RANBP2: variants seen among roughly 807,000 people sequenced by gnomAD.
RANBP2 encodes E3 SUMO-protein ligase RanBP2.
In RANBP2, 57 loss-of-function variants were observed where a neutral mutation model predicts 303.6. The ratio of observed to expected loss-of-function variants is 0.19; its 90% CI spans 0.15 to 0.23. RANBP2 has a LOEUF of 0.23. Ranked by LOEUF, RANBP2 falls within the 10% of genes least tolerant of loss-of-function variation. RANBP2 has a pLI of 1.00. For synonymous variants in RANBP2, 1,167 were observed against 1,301.5 expected, an observed-to-expected ratio of 0.90 and a Z score of 2.23; for missense variants, 3,138 against 3,780.8, an observed-to-expected ratio of 0.83 and a Z score of 4.46.
chr2:109,142,365 C>T, the RANBP2 span, among the ~76,000 whole-genome samples: 1 of 152,178 alleles, frequency 6.6e-6, no homozygotes, highest in African/African-American at 2.4e-5. Context: ...TGTGCCTCCT[C>T]TGATTTTAAT....
At chr2:109,080,278 T>C in the RANBP2 span, among the ~76,000 whole-genome samples, 32 of 143,092 alleles carry the variant, frequency 2.2e-4, no homozygotes, top group Admixed American at 9.0e-4. Flanking sequence ...TTTGAGTGGC[T>C]GGGCAGCAGA....
chr2:109,164,822 A>G, the RANBP2 span, among the ~76,000 whole-genome samples: 15 of 152,170 alleles, frequency 9.9e-5, no homozygotes, highest in African/African-American at 3.6e-4. Flanking sequence ...CCAGGAAGTG[A>G]GTTTCTAACT....
At chr2:109,574,758 T>C in the RANBP2 span, 1 of 1,579,222 alleles carries the variant, frequency 6.3e-7, no homozygotes, top group Non-Finnish European at 8.6e-7. Flanking sequence ...AGTCAACTAT[T>C]GGTTGGTAGC....
the RANBP2 span, among the ~76,000 whole-genome samples, chr2:109,458,599 A>AGAGAGAGAGAGAGAGAGAGAGAGAGAGAG: frequency 6.6e-6 from 1 of 150,484 alleles, no homozygotes. Flanking sequence ...AGAGAGAGAG[A>AGAGAGAGAGAGAGAGAGAGAGAGAGAGAG]GAATTTATTT....
chr2:108,788,018 C>CT (rs5833305), downstream of RANBP2: 330,571 of 1,171,588 alleles, frequency 0.28, 12,825 homozygotes, highest in African/African-American at 0.36. Flanking sequence ...TAAATCTTTT[C>CT]TTTTTTTTTT....
In RANBP2 at chr2:108,748,900, A is replaced by G. The variant is rs955460041; in HGVS notation, c.1064-20A>G. ...TCTGTAATTTTAAAGTGATGGAAAT[A>G]ACTTAAATTTTTTTTTCAGGGCACA... On this transcript the variant is annotated intron_variant, in intron 8 of 28. Transcript: ENST00000283195. 6.2e-7 allele frequency: 1 copy of G among 1,610,892 alleles called. No individual in the cohort carries two copies. The highest frequency in any genetic ancestry group is 1.3e-5 in the African/African-American group (1 of 74,782).
chr2:109,467,739 C>T, the RANBP2 span, among the ~76,000 whole-genome samples: 1 of 152,220 alleles, frequency 6.6e-6, no homozygotes, highest in Non-Finnish European at 1.5e-5. Context: ...TGAAGCAGCT[C>T]CTCTCTGATT....
At chr2:109,108,051 G>T in the RANBP2 span, among the ~76,000 whole-genome samples, 1 of 152,204 alleles carries the variant, frequency 6.6e-6, no homozygotes, top group African/African-American at 2.4e-5. Context: ...GACTACAGGC[G>T]CCTGCCACCA....
chr2:109,480,183 G>A, the RANBP2 span, among the ~76,000 whole-genome samples: 23 of 152,192 alleles, frequency 1.5e-4, no homozygotes, highest in African/African-American at 4.8e-4. Flanking sequence ...AAAAGAAGGC[G>A]TTGTGCCCAA....
chr2:108,798,437 G>A, the RANBP2 span: 1 of 1,612,522 alleles, frequency 6.2e-7, no homozygotes, highest in East Asian at 2.2e-5. Flanking sequence ...GTGTGAAACT[G>A]CAGCACAACA....
At chr2:109,658,752 G>C in the RANBP2 span, among the ~76,000 whole-genome samples, 1 of 151,648 alleles carries the variant, frequency 6.6e-6, no homozygotes, top group Non-Finnish European at 1.5e-5. Flanking sequence ...CCAACATTGG[G>C]AAACCCCGTC....
chr2:109,428,515 C>T, the RANBP2 span, among the ~76,000 whole-genome samples: 1 of 152,234 alleles, frequency 6.6e-6, no homozygotes, highest in Non-Finnish European at 1.5e-5. Flanking sequence ...TGGTGAGCCC[C>T]TGGCCCCATG....
the RANBP2 span, among the ~76,000 whole-genome samples, chr2:109,012,135 G>A: frequency 6.6e-6 from 1 of 152,174 alleles, no homozygotes. Flanking sequence ...CTCTTTGGCA[G>A]CTCTGAGGTT....
rs758206047 is a variant in RANBP2, at chr2:108,766,689, T to A, written c.6150T>A (p.Ser2050Arg). 3 of 1,611,884 alleles carry A rather than the reference T, an allele frequency of 1.9e-6. No homozygotes were observed. The African/African-American group carries it at 4.0e-5, about 22-fold the overall frequency. The change falls in exon 20 of 29, where the codon AGT (serine) becomes AGA (arginine). Residue 2050 changes from serine to arginine, a missense_variant. By Grantham distance (110) the Ser-to-Arg change is moderately radical. This residue lies in a region of RANBP2 where 103 missense variants were observed against 214.3 expected (regional missense o/e 0.48). Transcript: ENST00000283195. ...VKLFRFDAEV[S>R]QWKERGLGNL... ...TATTTAGATTTGATGCTGAGGTAAG[T>A]CAGTGGAAAGAAAGGGGCTTGGGGA...
the RANBP2 span, among the ~76,000 whole-genome samples, chr2:109,367,070 A>G: frequency 6.9e-6 from 1 of 144,026 alleles, no homozygotes; most frequent in African/African-American, 2.6e-5. Flanking sequence ...CTCGTGCCTC[A>G]CCCTCCAGAG....
At chr2:109,761,781 A>C in the RANBP2 span, among the ~76,000 whole-genome samples, 1 of 147,272 alleles carries the variant, frequency 6.8e-6, no homozygotes, top group Admixed American at 6.9e-5. Context: ...TGGAACAAGC[A>C]TATTAACTGC....
the RANBP2 span, among the ~76,000 whole-genome samples, chr2:109,104,465 T>G: frequency 5.2e-4 from 77 of 146,784 alleles, no homozygotes; most frequent in Middle Eastern, 0.011. Flanking sequence ...AGGGATTAGG[T>G]TTTTTTTTTG....
At position 108,765,258 on chromosome 2, in the gene RANBP2, T is replaced by A. The variant is rs941770301; in HGVS notation, c.4719T>A (p.Ser1573Arg). ...CVACQNPDKP[S>R]PSTSVPAPAS... Reference sequence around the variant, plus strand: ...CTTGTCAGAATCCGGATAAACCAAGTCCATCTACTTCTGTTCCAGCTCCTG... The same window carrying A: ...CTTGTCAGAATCCGGATAAACCAAGACCATCTACTTCTGTTCCAGCTCCTG... Residue 1573 changes from serine to arginine, a missense_variant, in exon 20 of 29, where the codon AGT becomes AGA. Physicochemically the swap from Ser to Arg is moderately radical, Grantham distance 110. Coordinates refer to ENST00000283195, the MANE Select transcript of RANBP2 (RefSeq NM_006267.5). 2 of 1,613,678 alleles carry A rather than the reference T, an allele frequency of 1.2e-6. No homozygotes were observed. Among genetic ancestry groups the A allele is most frequent in the Non-Finnish European group, 1.7e-6 (2 of 1,179,960 alleles).
chr2:108,742,328 G>A (rs553318978), intron 7 of RANBP2, among the ~76,000 whole-genome samples: 15 of 151,528 alleles, frequency 9.9e-5, no homozygotes, highest in East Asian at 3.9e-4. Context: ...TATTTGAGAC[G>A]GAGTCTCGCT....
Sources: gnomAD v4.1 joint callset for allele counts (sites outside exome capture counted in the v4.1 genomes callset) on GRCh38, gnomAD v4.1.1 for gene constraint, gnomAD v4.1.1 regional missense constraint, MANE v1.5 for transcripts, NCBI Gene and HGNC (gene_info 2026-07-23, HGNC 2026-07-21) for gene names.